Variants in ABCC4 observed in about 807,000 individuals in gnomAD.
ABCC4 encodes ATP binding cassette subfamily C member 4 (PEL blood group).
ABCC4 carries 102 observed loss-of-function variants against 168.5 expected under a neutral mutation model. The ratio of observed to expected loss-of-function variants is 0.61; its 90% confidence interval spans 0.52 to 0.71. The LOEUF is 0.71. ABCC4 is among the 30% of genes least tolerant of loss of function. The pLI is 0.00. For synonymous variants in ABCC4, 617 were observed against 590.7 expected (o/e 1.04, Z -0.65); for missense variants, 1,402 against 1,605.8 (o/e 0.87, Z 2.17).
intron 1 of ABCC4, among the ~76,000 whole-genome samples, chr13:95,259,856 G>GGGA (rs1491280481): frequency 2.6e-4 from 36 of 140,984 alleles, no homozygotes; most frequent in African/African-American, 8.4e-4. Context: ...GTAGTGTGGG[G>GGGA]AAAAAAAAAA....
chr13:95,102,298 C>T (rs2034837439), intron 20 of ABCC4, among the ~76,000 whole-genome samples: 1 of 152,124 alleles, frequency 6.6e-6, no homozygotes, highest in South Asian at 2.1e-4. Context: ...GCACGCACCA[C>T]TACACCTAGC....
chr13:95,256,712 C>T (rs1170627250), intron 1 of ABCC4, among the ~76,000 whole-genome samples: 2 of 151,858 alleles, frequency 1.3e-5, no homozygotes, highest in African/African-American at 2.4e-5. Flanking sequence ...GAGACGTGAT[C>T]GTCTCATTGC....
intron 13 of ABCC4, among the ~76,000 whole-genome samples, chr13:95,171,555 C>CA (rs1169765926): frequency 8.8e-5 from 11 of 125,198 alleles, no homozygotes; most frequent in African/African-American, 3.4e-4. Context: ...GACCCTGTCT[C>CA]AAAAAGAAAA....
intron 26 of ABCC4, among the ~76,000 whole-genome samples, chr13:95,058,525 C>T (rs1485632159): frequency 2.5e-5 from 3 of 120,272 alleles, no homozygotes; most frequent in South Asian, 2.9e-4. Flanking sequence ...GCTGAGATGG[C>T]GTCACTGCAG....
intron 20 of ABCC4, among the ~76,000 whole-genome samples, chr13:95,111,898 G>A (rs527789595): frequency 6.6e-6 from 1 of 152,206 alleles, no homozygotes; most frequent in Non-Finnish European, 1.5e-5. Context: ...CAAGCAGAGG[G>A]TTCTCCTCTC....
intron 20 of ABCC4, among the ~76,000 whole-genome samples, chr13:95,085,918 A>G (rs1216526726): frequency 6.6e-6 from 1 of 152,250 alleles, no homozygotes; most frequent in Non-Finnish European, 1.5e-5. Flanking sequence ...GAGGTTCAGT[A>G]ACTTCCTCAA....
intron 20 of ABCC4, among the ~76,000 whole-genome samples, chr13:95,115,621 C>A (rs1594120319): frequency 1.3e-5 from 2 of 151,894 alleles, no homozygotes; most frequent in Non-Finnish European, 2.9e-5. Context: ...AATGTGTTCA[C>A]AGTAAAGCAA....
intron 4 of ABCC4, among the ~76,000 whole-genome samples, chr13:95,224,743 A>AG (rs1418118501): frequency 3.9e-5 from 6 of 152,104 alleles, no homozygotes; most frequent in African/African-American, 1.4e-4. Flanking sequence ...TCTCAAAAAA[A>AG]AAAAGAAAAT....
intron 21 of ABCC4, among the ~76,000 whole-genome samples, chr13:95,081,511 C>T (rs1395625187): frequency 2.6e-5 from 4 of 152,208 alleles, no homozygotes; most frequent in Non-Finnish European, 4.4e-5. Context: ...TATACTCTAC[C>T]TTCCCTAGCA....
Position 95,152,767 on chromosome 13 carries a change from T to C in ABCC4, c.2455+8422A>G, listed in dbSNP as rs2036731542. Among the ~76,000 whole-genome samples the C allele has an allele frequency of 3.9e-5, 6 of 151,972 alleles. No individual in the cohort carries two copies. In the South Asian group the frequency reaches 1.2e-3, roughly 32 times the overall value. ...GAATAAAATAATGGAATAAGAAAAC[T>C]CCAATTATAAGTGAAAATCAGTTCT... On this transcript the variant is annotated intron_variant, in intron 19 of 30. Coordinates refer to ENST00000645237, the MANE Select transcript of ABCC4 (RefSeq NM_005845.5).
chr13:95,247,918 G>GCGCACACACACACACACACACA (rs145006616), intron 1 of ABCC4, among the ~76,000 whole-genome samples, 165 bp from the exon 2 acceptor site: 38 of 142,564 alleles, frequency 2.7e-4, no homozygotes, highest in African/African-American at 1.0e-3. Context: ...GTTAACATGT[G>GCGCACACACACACACACACACA]CACACACACA....
intron 26 of ABCC4, among the ~76,000 whole-genome samples, chr13:95,054,488 C>T (rs2032980998): frequency 6.6e-6 from 1 of 151,628 alleles, no homozygotes; most frequent in Non-Finnish European, 1.5e-5. Flanking sequence ...GCAGAGGTTG[C>T]AGTGAGCCAA....
At position 95,209,523 on chromosome 13, in the gene ABCC4, C is replaced by T. The variant is rs113419727; in HGVS notation, c.696G>A (p.Glu232=). Residue 232 remains glutamate, a synonymous_variant, in exon 6 of 31, where the codon GAG becomes GAA. Coordinates refer to ENST00000645237, the MANE Select transcript of ABCC4 (RefSeq NM_005845.5). ...TCCCAGCAAGGCACGATATTCCTAT[C>T]TCCATCCAGAGTAGGGCAGTCACTG... ...AIAVTALLWM[E]IGISCLAGMA... 17 of 1,614,170 alleles carry T rather than the reference C, an allele frequency of 1.1e-5. No individual in the cohort carries two copies. Among genetic ancestry groups the T allele is most frequent in the Non-Finnish European group, 1.4e-5 (17 of 1,179,980 alleles).
intron 19 of ABCC4, among the ~76,000 whole-genome samples, chr13:95,119,993 A>G (rs757037189): frequency 2.6e-5 from 4 of 152,184 alleles, no homozygotes; most frequent in Non-Finnish European, 5.9e-5. Flanking sequence ...TTGCTTTTTC[A>G]GTATCTTTCA....
At chr13:95,277,634 C>A (rs4771910) in intron 1 of ABCC4, among the ~76,000 whole-genome samples, 1 of 150,712 alleles carries the variant, frequency 6.6e-6, no homozygotes. Context: ...TGAATGGGGG[C>A]GTTTACTCTA....
At chr13:95,166,401 A>G in intron 14 of ABCC4, 34 bp from the exon 15 acceptor site, 4 of 1,543,694 alleles carry the variant, frequency 2.6e-6, no homozygotes, top group Non-Finnish European at 3.6e-6. Flanking sequence ...AGAGAGATAC[A>G]TGTGCAGGTG....
chr13:95,260,861 C>T (rs1408711620), intron 1 of ABCC4, among the ~76,000 whole-genome samples: 2 of 151,840 alleles, frequency 1.3e-5, no homozygotes, highest in South Asian at 4.1e-4. Context: ...TTCACCAATA[C>T]AGTGACTTGC....
At chr13:95,227,772 G>A (rs569080239) in intron 4 of ABCC4, among the ~76,000 whole-genome samples, 7 of 152,196 alleles carry the variant, frequency 4.6e-5, no homozygotes, top group African/African-American at 1.4e-4. Context: ...GCGGTGGCAC[G>A]GATCTCAGCT....
intron 13 of ABCC4, among the ~76,000 whole-genome samples, chr13:95,174,988 G>A (rs1372954024): frequency 6.6e-6 from 1 of 152,144 alleles, no homozygotes; most frequent in Non-Finnish European, 1.5e-5. Context: ...GCTTGGTCGC[G>A]CTAAGTACAT....
Sources: allele counts gnomAD v4.1 joint callset (sites outside exome capture counted in the v4.1 genomes callset), GRCh38; gene constraint gnomAD v4.1.1; transcripts MANE v1.5; gene names NCBI Gene and HGNC (gene_info 2026-07-23, HGNC 2026-07-21).